The following ARHGAP15 variants were observed in gnomAD, a reference collection of about 807,000 sequenced individuals.
ARHGAP15 encodes rho GTPase-activating protein 15.
Under a neutral mutation model 63.7 loss-of-function variants are expected in ARHGAP15, and 51 were observed. The observed-to-expected ratio is 0.80, with a 90% CI of 0.64 to 1.01. ARHGAP15 has a LOEUF of 1.01. Ranked by LOEUF, ARHGAP15 falls within the 50% of genes least tolerant of loss-of-function variation. ARHGAP15 has a pLI of 0.00. For synonymous variants in ARHGAP15, 191 were observed against 193.8 expected, an observed-to-expected ratio of 0.99 and a Z score of 0.12; for missense variants, 560 against 564.6, an observed-to-expected ratio of 0.99 and a Z score of 0.08.
intron 9 of ARHGAP15, among the ~76,000 whole-genome samples, chr2:143,501,304 A>G (rs1693042694): frequency 6.6e-6 from 1 of 152,242 alleles, no homozygotes; most frequent in African/African-American, 2.4e-5. Flanking sequence ...TTTTAAATGC[A>G]TTGAAGCCTT....
intron 8 of ARHGAP15, among the ~76,000 whole-genome samples, chr2:143,476,715 TAAAAAC>T (rs1291001499): frequency 1.3e-5 from 2 of 151,920 alleles, no homozygotes; most frequent in South Asian, 2.1e-4. Context: ...GATTATAAAA[TAAAAAC>T]AAAGATTCTG....
chr2:143,130,803 G>T (rs957802304), intron 1 of ARHGAP15, among the ~76,000 whole-genome samples: 1 of 152,114 alleles, frequency 6.6e-6, no homozygotes, highest in Non-Finnish European at 1.5e-5. Context: ...ATTGTGATTA[G>T]ATTTTCAATT....
chr2:143,693,198 ACAC>A (rs1291617340), intron 12 of ARHGAP15, among the ~76,000 whole-genome samples: 1 of 152,330 alleles, frequency 6.6e-6, no homozygotes, highest in African/African-American at 2.4e-5. Flanking sequence ...GCAATATTAA[ACAC>A]CACATCTAAA....
chr2:143,625,416 AG>A (rs1412174929), intron 12 of ARHGAP15, among the ~76,000 whole-genome samples: 2 of 152,102 alleles, frequency 1.3e-5, no homozygotes, highest in Non-Finnish European at 2.9e-5. Flanking sequence ...TTCTCTCCCA[AG>A]GTCTTTCTCT....
rs185208971 is a variant in ARHGAP15 at position 143,714,728 on chromosome 2, C to T, written c.1244+11204C>T. Among the ~76,000 whole-genome samples the T allele has an allele frequency of 3.3e-5, 5 of 152,354 alleles. No individual in the cohort carries two copies. The East Asian group carries it at 7.7e-4, about 24-fold the overall frequency. ...TTTAAAATTTCACAGATCTCTAGGG[C>T]AGGGGCAGAATGCCACCAGTCTCTT... On this transcript the variant is annotated intron_variant, in intron 13 of 13. Coordinates refer to ENST00000295095, the MANE Select transcript of ARHGAP15 (RefSeq NM_018460.4).
intron 9 of ARHGAP15, among the ~76,000 whole-genome samples, chr2:143,512,523 C>A (rs1176282830): frequency 2.6e-5 from 4 of 152,236 alleles, no homozygotes. Context: ...CTCTTCCTAG[C>A]CAGTGTCATC....
intron 6 of ARHGAP15, among the ~76,000 whole-genome samples, chr2:143,328,577 C>A (rs1469644727): frequency 6.6e-6 from 1 of 151,978 alleles, no homozygotes; most frequent in Non-Finnish European, 1.5e-5. Context: ...CACACCAGAG[C>A]CTGTCAGGGG....
At chr2:143,513,934 C>T (rs185261257) in intron 9 of ARHGAP15, among the ~76,000 whole-genome samples, 11 of 152,150 alleles carry the variant, frequency 7.2e-5, no homozygotes, top group African/African-American at 2.7e-4. Flanking sequence ...TATCTCTGGG[C>T]CTTAGTTCCC....
At chr2:143,240,050 C>T (rs564919221) in intron 5 of ARHGAP15, among the ~76,000 whole-genome samples, 37 of 142,644 alleles carry the variant, frequency 2.6e-4, no homozygotes, top group Admixed American at 1.3e-3. Flanking sequence ...TGGTCATGCA[C>T]CTGTAAGTCC....
intron 11 of ARHGAP15, among the ~76,000 whole-genome samples, chr2:143,579,653 G>T (rs908630428): frequency 2.0e-5 from 3 of 152,080 alleles, no homozygotes; most frequent in African/African-American, 7.2e-5. Flanking sequence ...CTGCCCAGAG[G>T]CTATGCCCCA....
chr2:143,486,157 A>G (rs184100890), intron 8 of ARHGAP15, among the ~76,000 whole-genome samples: 3 of 152,274 alleles, frequency 2.0e-5, no homozygotes, highest in Non-Finnish European at 2.9e-5. Flanking sequence ...TAAAAAGAAT[A>G]CCTAATAAAG....
intron 6 of ARHGAP15, among the ~76,000 whole-genome samples, chr2:143,403,211 C>G (rs1271338463): frequency 6.7e-6 from 1 of 150,370 alleles, no homozygotes; most frequent in Non-Finnish European, 1.5e-5. Flanking sequence ...TATTTTTTTT[C>G]TTTTTAGCCT....
intron 6 of ARHGAP15, among the ~76,000 whole-genome samples, chr2:143,263,992 T>G (rs13028351): frequency 2.1e-5 from 3 of 144,786 alleles, no homozygotes; most frequent in Admixed American, 7.1e-5. Flanking sequence ...AGGCTTGAGG[T>G]TTTTTTTCAT....
At chr2:143,515,189 C>G (rs909946231) in intron 9 of ARHGAP15, among the ~76,000 whole-genome samples, 3 of 136,564 alleles carry the variant, frequency 2.2e-5, no homozygotes, top group Non-Finnish European at 3.1e-5. Context: ...CTATATTAAC[C>G]CCCCCACCCT....
chr2:143,426,187 A>G (rs1689130797), intron 6 of ARHGAP15, among the ~76,000 whole-genome samples: 1 of 152,144 alleles, frequency 6.6e-6, no homozygotes, highest in Non-Finnish European at 1.5e-5. Flanking sequence ...TATAAATCAC[A>G]CTTCTTCTGA....
intron 6 of ARHGAP15, among the ~76,000 whole-genome samples, chr2:143,310,513 C>A (rs1048180578): frequency 6.6e-6 from 1 of 151,824 alleles, no homozygotes; most frequent in Non-Finnish European, 1.5e-5. Flanking sequence ...TTCCATGGAT[C>A]GCTATTACAT....
chr2:143,391,772 T>C (rs1687547631), intron 6 of ARHGAP15, among the ~76,000 whole-genome samples: 2 of 152,190 alleles, frequency 1.3e-5, no homozygotes. Flanking sequence ...CAAGGGTTTT[T>C]TCTAGCACAG....
intron 6 of ARHGAP15, among the ~76,000 whole-genome samples, chr2:143,431,408 AT>A (rs1459437157): frequency 6.6e-6 from 1 of 152,030 alleles, no homozygotes; most frequent in Non-Finnish European, 1.5e-5. Context: ...GGAAAGCTGC[AT>A]TTGGAGAATG....
At chr2:143,744,701 C>G (rs1238372972) in intron 13 of ARHGAP15, among the ~76,000 whole-genome samples, 2 of 152,308 alleles carry the variant, frequency 1.3e-5, no homozygotes, top group East Asian at 1.9e-4. Flanking sequence ...AAAATTATCA[C>G]TTAACCACCA....
Sources: allele counts gnomAD v4.1 joint callset (sites outside exome capture counted in the v4.1 genomes callset), GRCh38; gene constraint gnomAD v4.1.1; transcripts MANE v1.5; gene names NCBI Gene and HGNC (gene_info 2026-07-23, HGNC 2026-07-21).